The following MBD2 variants were observed in gnomAD, a reference collection of about 807,000 sequenced individuals.
MBD2 encodes methyl-CpG binding domain protein 2, also known as methyl-CpG-binding domain protein 2.
In MBD2, 9 loss-of-function variants were observed where a neutral mutation model predicts 39.3. The observed-to-expected ratio is 0.23, with a 90% CI of 0.14 to 0.40. The LOEUF (loss-of-function observed/expected upper bound fraction) is 0.40, where lower values mean the gene tolerates loss of function less well. Among genes scored for constraint, MBD2 ranks in the 10% least tolerant of loss-of-function variants. The probability of loss-of-function intolerance (pLI) is 1.00; values close to 1 mark genes in which losing one functional copy is unlikely to be tolerated. For missense variants in MBD2, 458 were observed against 532.6 expected (o/e 0.86, Z 1.38); for synonymous variants, 233 against 211.1 (o/e 1.10, Z -0.90).
chr18:54,177,671 G>A (rs2086221838), intron 3 of MBD2, among the ~76,000 whole-genome samples: 1 of 151,730 alleles, frequency 6.6e-6, no homozygotes, highest in Non-Finnish European at 1.5e-5. Context: ...TAGTAGGGAC[G>A]GGGGTTTCAC....
At chr18:54,200,108 A>G (rs1032420146) in intron 2 of MBD2, among the ~76,000 whole-genome samples, 2 of 152,226 alleles carry the variant, frequency 1.3e-5, no homozygotes, top group Admixed American at 1.3e-4. Context: ...ATAATGGCAG[A>G]CTTAACACAC....
At chr18:54,166,349 A>C (rs906337454) in intron 3 of MBD2, among the ~76,000 whole-genome samples, 183 bp from the exon 4 acceptor site, 6 of 152,230 alleles carry the variant, frequency 3.9e-5, no homozygotes, top group Non-Finnish European at 8.8e-5. Context: ...TAATCCTCTC[A>C]GATGGCATTG....
intron 3 of MBD2, among the ~76,000 whole-genome samples, chr18:54,184,746 C>T (rs1437126322): frequency 6.6e-6 from 1 of 152,188 alleles, no homozygotes; most frequent in Non-Finnish European, 1.5e-5. Context: ...CTCCTAGCAA[C>T]AGTAACCTCA....
intron 6 of MBD2, 144 bp downstream of exon 6, chr18:54,159,621 G>A: frequency 1.3e-6 from 1 of 779,194 alleles, no homozygotes; most frequent in Non-Finnish European, 2.0e-6. Flanking sequence ...GTTTTGCCAT[G>A]TTGCTCAAGC....
At chr18:54,195,430 AT>A (rs890301734) in intron 2 of MBD2, among the ~76,000 whole-genome samples, 1 of 152,104 alleles carries the variant, frequency 6.6e-6, no homozygotes, top group Admixed American at 6.5e-5. Context: ...TCCAAGTATT[AT>A]TCAAGCGTCA....
chr18:54,198,318 C>G (rs17554142), intron 2 of MBD2, among the ~76,000 whole-genome samples: 1 of 152,164 alleles, frequency 6.6e-6, no homozygotes, highest in Non-Finnish European at 1.5e-5. Flanking sequence ...TCTTCACCTA[C>G]TCCCTCACAT....
intron 3 of MBD2, among the ~76,000 whole-genome samples, chr18:54,182,135 A>C (rs753875993): frequency 2.3e-4 from 35 of 152,348 alleles, no homozygotes; most frequent in Middle Eastern, 3.4e-3. Flanking sequence ...AGAAAAGTAC[A>C]AGGTGAAGGC....
intron 2 of MBD2, among the ~76,000 whole-genome samples, chr18:54,201,732 G>C (rs1048546973): frequency 6.6e-6 from 1 of 151,816 alleles, no homozygotes; most frequent in Admixed American, 6.6e-5. Context: ...GCGTGGTGGC[G>C]GGTGCCTGTA....
At chr18:54,207,339 C>A (rs1385974825) in intron 1 of MBD2, among the ~76,000 whole-genome samples, 2 of 152,200 alleles carry the variant, frequency 1.3e-5, no homozygotes, top group Non-Finnish European at 2.9e-5. Flanking sequence ...TCCTCCACCT[C>A]AACTAGGAAG....
chr18:54,180,891 TTTTTTCTTTTTC>T (rs1445249500), intron 3 of MBD2, among the ~76,000 whole-genome samples: 2 of 115,300 alleles, frequency 1.7e-5, no homozygotes, highest in African/African-American at 3.6e-5. Flanking sequence ...TATTCCTTAA[TTTTTTCTTTTTC>T]TTTTTTTTTT....
In MBD2 at chr18:54,168,572, C is replaced by CATATATATATATATATATATATATAT. The variant is rs56174434; in HGVS notation, c.841-2432_841-2407dup. Among the ~76,000 whole-genome samples, 165 of 114,798 alleles carry CATATATATATATATATATATATATAT rather than the reference C, an allele frequency of 1.4e-3. 4 individuals are homozygous for CATATATATATATATATATATATATAT. The highest frequency in any genetic ancestry group is 3.8e-3 in the African/African-American group (100 of 26,384). 75.3% of individuals were successfully genotyped at this position (114,798 alleles called of 152,430 possible). On this transcript the variant is annotated intron_variant, in intron 3 of 6. Coordinates refer to ENST00000256429, the MANE Select transcript of MBD2 (RefSeq NM_003927.5). ...TTGTTATGCCATGAAAATGGAGATA[C>CATATATATATATATATATATATATAT]ATATATATATATATATATATATATA... is the stretch of plus-strand genomic sequence containing the variant.
rs757112030 is a variant in MBD2, at chr18:54,224,453, C to A, written c.107G>T (p.Gly36Val). ...GGACGGGGCGAGCGCGCTGCCCTGG[C>A]CCCCCTGCTCTATGGCGGAGTCGCC... ...AGGDSAIEQGGQGSALAPSPV... is the reference protein window; with the variant it reads ...AGGDSAIEQGVQGSALAPSPV... Residue 36 changes from glycine to valine, a missense_variant, in exon 1 of 7, where the codon GGC becomes GTC. Physicochemically the swap from Gly to Val is moderately radical, Grantham distance 109. Around this residue, in one of 2 missense-constraint regions of MBD2, gnomAD observed 269 missense variants for 236.0 expected, o/e 1.14. Transcript: ENST00000256429. 5 of 1,233,282 alleles carry A rather than the reference C, an allele frequency of 4.1e-6. No homozygotes were observed. The highest frequency in any genetic ancestry group is 3.7e-5 in the South Asian group (1 of 26,936). 76.4% of individuals were successfully genotyped at this position (1,233,282 alleles called of 1,614,324 possible).
chr18:54,191,832 T>C (rs1432466676), intron 2 of MBD2, among the ~76,000 whole-genome samples: 4 of 152,262 alleles, frequency 2.6e-5, no homozygotes, highest in Non-Finnish European at 4.4e-5. Flanking sequence ...CCAATGTCTC[T>C]GCTTACCTTT....
At chr18:54,170,342 C>A (rs1449487310) in intron 3 of MBD2, among the ~76,000 whole-genome samples, 1 of 152,160 alleles carries the variant, frequency 6.6e-6, no homozygotes, top group Non-Finnish European at 1.5e-5. Flanking sequence ...ATATATTTAA[C>A]TTGGACTTTG....
At chr18:54,193,716 A>G (rs1383614398) in intron 2 of MBD2, among the ~76,000 whole-genome samples, 1 of 152,196 alleles carries the variant, frequency 6.6e-6, no homozygotes, top group Non-Finnish European at 1.5e-5. Context: ...GCTAAGCATC[A>G]AATGTGGATC....
At chr18:54,170,151 A>T (rs2086169833) in intron 3 of MBD2, among the ~76,000 whole-genome samples, 1 of 152,224 alleles carries the variant, frequency 6.6e-6, no homozygotes, top group Admixed American at 6.5e-5. Flanking sequence ...TTTTCTCCAC[A>T]CAGTTCTCCT....
chr18:54,214,725 AG>A (rs1180266951), intron 1 of MBD2, among the ~76,000 whole-genome samples: 7 of 58,864 alleles, frequency 1.2e-4, no homozygotes, highest in Non-Finnish European at 2.1e-4. Context: ...TCCACGAGGT[AG>A]AATTCTTTTA....
intron 6 of MBD2, among the ~76,000 whole-genome samples, chr18:54,157,363 C>T (rs1366183967): frequency 4.0e-5 from 6 of 151,788 alleles, no homozygotes; most frequent in African/African-American, 1.2e-4. Context: ...CAGGTTCAAG[C>T]GATTCTCCTG....
chr18:54,202,896 T>C, intron 2 of MBD2: 1 of 1,156,278 alleles, frequency 8.6e-7, no homozygotes, highest in Non-Finnish European at 1.3e-6. Context: ...CAGGGAAGCA[T>C]TATGGAGGAA....
Sources: gnomAD v4.1 joint callset for allele counts (sites outside exome capture counted in the v4.1 genomes callset) on GRCh38, gnomAD v4.1.1 for gene constraint, gnomAD v4.1.1 regional missense constraint, MANE v1.5 for transcripts, NCBI Gene and HGNC (gene_info 2026-07-23, HGNC 2026-07-21) for gene names.